Variants in ALB observed in about 807,000 individuals in gnomAD.
ALB encodes the protein serum albumin.
Under a neutral mutation model 74.5 loss-of-function variants are expected in ALB, and 37 were observed. That is an observed-to-expected ratio of 0.50 (90% CI 0.38 to 0.65). ALB has a LOEUF of 0.65. Among genes scored for constraint, ALB ranks in the 30% least tolerant of loss-of-function variants. ALB has a pLI of 0.00. For synonymous variants in ALB, 249 were observed against 251.6 expected, an observed-to-expected ratio of 0.99 and a Z score of 0.10; for missense variants, 685 against 718.7, an observed-to-expected ratio of 0.95 and a Z score of 0.54.
intron 6 of ALB, among the ~76,000 whole-genome samples, chr4:73,410,811 G>T (rs1718856176): frequency 6.6e-6 from 1 of 151,828 alleles, no homozygotes; most frequent in Admixed American, 6.6e-5. Flanking sequence ...TATTTACGGG[G>T]TATATGAGAT....
At chr4:73,413,754 C>A (rs1460009371) in intron 8 of ALB, 120 bp downstream of exon 8, 1 of 947,552 alleles carries the variant, frequency 1.1e-6, no homozygotes, top group East Asian at 2.6e-5. Context: ...GTTTCTTCAT[C>A]CTTCCCTTTC....
At chr4:73,413,312 T>C in intron 7 of ALB, 108 bp from the exon 8 acceptor site, 1 of 1,028,764 alleles carries the variant, frequency 9.7e-7, no homozygotes, top group East Asian at 2.5e-5. Context: ...GGAATATGTG[T>C]ATGGTCTTAG....
At chr4:73,407,242 C>A (rs1417859384) in intron 3 of ALB, among the ~76,000 whole-genome samples, 1 of 152,032 alleles carries the variant, frequency 6.6e-6, no homozygotes, top group Non-Finnish European at 1.5e-5. Context: ...AACTTTGTGC[C>A]CATTGATTAG....
chr4:73,408,283 T>C (rs2149327357), intron 3 of ALB, among the ~76,000 whole-genome samples: 1 of 152,324 alleles, frequency 6.6e-6, no homozygotes, highest in East Asian at 1.9e-4. Flanking sequence ...TTGATTTCTG[T>C]TATAATGATT....
chr4:73,415,013 AT>A (rs1281350912), intron 8 of ALB, 21 bp from the exon 9 acceptor site: 1 of 1,613,106 alleles, frequency 6.2e-7, no homozygotes, highest in Non-Finnish European at 8.5e-7. Flanking sequence ...AACAAAGTCT[AT>A]TTTATTTTCA....
chr4:73,419,138 T>A (rs945294961), intron 12 of ALB: 1 of 171,330 alleles, frequency 5.8e-6, no homozygotes, highest in Non-Finnish European at 1.3e-5. Flanking sequence ...TTAATAGCAA[T>A]AAAACTCAAT....
intron 5 of ALB, 101 bp downstream of exon 5, chr4:73,409,588 C>G (rs1368581017): frequency 7.0e-7 from 1 of 1,429,048 alleles, no homozygotes; most frequent in East Asian, 2.3e-5. Flanking sequence ...TACAAACTTT[C>G]CGACATGGTC....
Position 73,413,635 on chromosome 4 carries a change from G to A in ALB, c.1058+1G>A. The A allele has an allele frequency of 1.2e-6, 2 of 1,613,864 alleles. No homozygotes were observed. The highest frequency in any genetic ancestry group is 1.7e-6 in the Non-Finnish European group (2 of 1,179,798). On this transcript the variant is annotated splice_donor_variant, in intron 8 of 14. Coordinates refer to ENST00000295897, the MANE Select transcript of ALB (RefSeq NM_000477.7). LOFTEE classifies it high-confidence loss of function. ...AGGCAAAGGATGTCTTCCTGGGCAT[G>A]TAAGTAGATAAGAAATTATTCTTTT...
chr4:73,409,471 C>T lies in ALB; in HGVS notation c.599C>T (p.Ala200Val), dbSNP rs201281958. 5 of 1,613,868 alleles carry T rather than the reference C, an allele frequency of 3.1e-6. No individual in the cohort carries two copies. In the Admixed American group the frequency reaches 8.3e-5, roughly 27 times the overall value. ...TECCQAADKA[A>V]CLLPKLDELR... The stretch of plus-strand genomic sequence containing the variant: ...TGTTGCCAAGCTGCTGATAAAGCTG[C>T]CTGCCTGTTGCCAAAGGTATTATGC... Residue 200 changes from alanine (A) to valine (V), a missense_variant, in exon 5 of 15, where the codon GCC (alanine) becomes GTC (valine). Ala to Val is a moderately conservative substitution (Grantham distance 64). Transcript: ENST00000295897.
intron 4 of ALB, chr4:73,409,082 T>A: frequency 1.7e-6 from 1 of 582,746 alleles, no homozygotes; most frequent in Admixed American, 3.1e-5. Flanking sequence ...GATATGTATA[T>A]ATGGTTGTTA....
rs142278120 is a variant in ALB, at chr4:73,415,686, A to G, written c.1191+519A>G. Among the ~76,000 whole-genome samples, 1,378 of 152,306 alleles carry G rather than the reference A, an allele frequency of 9.0e-3. 13 individuals are homozygous for G. Among genetic ancestry groups the G allele is most frequent in the African/African-American group, 0.03 (1,256 of 41,562 alleles). ...TAGCATATGTAATGGTTTCTGAACT[A>G]TTCAGAATCAGAGAAAACTCATTTT... On this transcript the variant is annotated intron_variant, in intron 9 of 14. Coordinates refer to ENST00000295897, the MANE Select transcript of ALB (RefSeq NM_000477.7).
intron 7 of ALB, among the ~76,000 whole-genome samples, chr4:73,412,594 C>A (rs1014287823): frequency 6.6e-6 from 1 of 152,010 alleles, no homozygotes; most frequent in Non-Finnish European, 1.5e-5. Context: ...TACAGGCATG[C>A]GCCACCACAC....
intron 3 of ALB, 136 bp from the exon 4 acceptor site, chr4:73,408,458 C>T: frequency 6.7e-6 from 5 of 745,418 alleles, no homozygotes; most frequent in Admixed American, 2.3e-5. Flanking sequence ...CTGTAAACCT[C>T]GATTGGGAGG....
Position 73,406,609 on chromosome 4 carries a change from T to C in ALB, c.138-20T>C. The C allele has an allele frequency of 6.2e-7, 1 of 1,612,758 alleles. No homozygotes were observed. The highest frequency in any genetic ancestry group is 8.5e-7 in the Non-Finnish European group (1 of 1,179,506). On this transcript the variant is annotated intron_variant, in intron 2 of 14. Transcript: ENST00000295897. ...ATTAAAGTTTTATTATACTACATTT[T>C]TCTACATCCTTTGTTTCAGGGTGTT...
At chr4:73,405,993 G>C (rs1418774879) in intron 2 of ALB, among the ~76,000 whole-genome samples, 1 of 152,092 alleles carries the variant, frequency 6.6e-6, no homozygotes, top group Admixed American at 6.5e-5. Flanking sequence ...CAGGTGCGGT[G>C]GTTCACACCT....
At chr4:73,419,748 A>T (rs535657680) in intron 13 of ALB, 109 bp downstream of exon 13, 1 of 1,320,234 alleles carries the variant, frequency 7.6e-7, no homozygotes, top group African/African-American at 1.5e-5. Context: ...CATGTGGGAC[A>T]GGGATCTTAT....
intron 9 of ALB, 75 bp downstream of exon 9, chr4:73,415,242 A>C (rs1458727820): frequency 7.1e-6 from 11 of 1,539,850 alleles, no homozygotes; most frequent in Non-Finnish European, 9.8e-6. Context: ...ATAATGCAAG[A>C]ATGTAAAATG....
chr4:73,411,616 G>A (rs932151508), intron 6 of ALB, among the ~76,000 whole-genome samples: 3 of 152,146 alleles, frequency 2.0e-5, no homozygotes, highest in African/African-American at 7.2e-5. Flanking sequence ...ATGTTGTCAT[G>A]ACACTGCAGA....
In ALB at chr4:73,406,833, T is replaced by C. The variant is rs531857468; in HGVS notation, c.270+72T>C. 60 of 1,577,900 alleles carry C rather than the reference T, an allele frequency of 3.8e-5. 1 individual carries two copies. In the East Asian group the frequency reaches 9.7e-4, roughly 25 times the overall value. ...TCCCAAGCATTTCAAAGGAATTTTT[T>C]TTAAGTTTTCTCAATTATTATTAAG... On this transcript the variant is annotated intron_variant, in intron 3 of 14. Coordinates refer to ENST00000295897, the MANE Select transcript of ALB (RefSeq NM_000477.7).
Sources: allele counts gnomAD v4.1 joint callset (sites outside exome capture counted in the v4.1 genomes callset), GRCh38; gene constraint gnomAD v4.1.1; transcripts MANE v1.5; gene names NCBI Gene and HGNC (gene_info 2026-07-23, HGNC 2026-07-21).